Variants in GALNT13 observed in about 807,000 individuals in gnomAD.
The protein encoded by GALNT13 is polypeptide N-acetylgalactosaminyltransferase 13, also known as UDP-GalNAc:polypeptide N-acetylgalactosaminyltransferase 13.
GALNT13 carries 28 observed loss-of-function variants against 64.2 expected under a neutral mutation model. The ratio of observed to expected loss-of-function variants is 0.44; its 90% CI spans 0.32 to 0.60. The LOEUF (loss-of-function observed/expected upper bound fraction) is 0.60, where lower values mean the gene tolerates loss of function less well. Ranked by LOEUF, GALNT13 falls within the 20% of genes least tolerant of loss-of-function variation. The pLI is 0.05. For missense variants in GALNT13, 577 were observed against 669.8 expected, an observed-to-expected ratio of 0.86 and a Z score of 1.53; for synonymous variants, 214 against 224.6, an observed-to-expected ratio of 0.95 and a Z score of 0.42.
At chr2:153,750,400 G>A in the GALNT13 span, among the ~76,000 whole-genome samples, 5 of 151,784 alleles carry the variant, frequency 3.3e-5, no homozygotes, top group Non-Finnish European at 1.5e-5. Context: ...AGTAGGATTT[G>A]TATTAGTTTT....
rs143671927 is a variant in GALNT13 at position 153,916,112 on chromosome 2, C to T, written c.-105+15105C>T. ...CCTTCCTTCCTTCTGTCCTTCCTTC[C>T]TCCCTTCCTTCCTTCGTTCCTTCCT... is the stretch of plus-strand genomic sequence containing the variant. On this transcript the variant is annotated intron_variant, in intron 2 of 12. Coordinates refer to ENST00000392825, the MANE Select transcript of GALNT13 (RefSeq NM_052917.4). 2.7e-3 allele frequency among the ~76,000 whole-genome samples: 394 copies of T among 148,392 alleles called. 5 individuals carry two copies. Among genetic ancestry groups the T allele is most frequent in the African/African-American group, 9.4e-3 (378 of 40,400 alleles).
chr2:153,361,469 C>T, the GALNT13 span, among the ~76,000 whole-genome samples: 1 of 151,946 alleles, frequency 6.6e-6, no homozygotes, highest in Admixed American at 6.6e-5. Flanking sequence ...AAGGTAAGAA[C>T]CTTGATAAAA....
chr2:153,387,160 C>G, the GALNT13 span, among the ~76,000 whole-genome samples: 1 of 152,008 alleles, frequency 6.6e-6, no homozygotes, highest in Non-Finnish European at 1.5e-5. Flanking sequence ...GAAAGGCAAC[C>G]ATATTTTTTT....
At chr2:153,611,890 T>A in the GALNT13 span, among the ~76,000 whole-genome samples, 2 of 151,326 alleles carry the variant, frequency 1.3e-5, no homozygotes, top group South Asian at 4.2e-4. Flanking sequence ...TGATGTGTGA[T>A]ATTCCCCTCC....
At chr2:153,838,711 G>C in the GALNT13 span, among the ~76,000 whole-genome samples, 1 of 151,774 alleles carries the variant, frequency 6.6e-6, no homozygotes, top group Non-Finnish European at 1.5e-5. Flanking sequence ...ATCCAGTTTT[G>C]TTCTTCTTGT....
intron 3 of GALNT13, among the ~76,000 whole-genome samples, chr2:154,087,656 G>GA: frequency 6.6e-6 from 1 of 152,074 alleles, no homozygotes; most frequent in African/African-American, 2.4e-5. Flanking sequence ...AAATAATTGA[G>GA]AAAAATAGTA....
intron 4 of GALNT13, among the ~76,000 whole-genome samples, chr2:154,182,276 T>C (rs1005200418): frequency 6.6e-6 from 1 of 152,154 alleles, no homozygotes; most frequent in African/African-American, 2.4e-5. Flanking sequence ...AACAAGACAA[T>C]GTTTCATTTC....
the GALNT13 span, among the ~76,000 whole-genome samples, chr2:153,230,286 GT>G: frequency 6.6e-6 from 1 of 152,152 alleles, no homozygotes; most frequent in African/African-American, 2.4e-5. Flanking sequence ...AAAGAATATT[GT>G]ATATGACTCT....
chr2:154,352,247 A>T (rs1696454632), intron 9 of GALNT13, among the ~76,000 whole-genome samples: 1 of 152,200 alleles, frequency 6.6e-6, no homozygotes, highest in Non-Finnish European at 1.5e-5. Flanking sequence ...CACTAATAAT[A>T]AAGCTGAACC....
chr2:154,035,312 T>C (rs1171205210), intron 3 of GALNT13, among the ~76,000 whole-genome samples: 1 of 152,116 alleles, frequency 6.6e-6, no homozygotes, highest in Non-Finnish European at 1.5e-5. Context: ...GCGAATAACC[T>C]GTAGCTTAAT....
the GALNT13 span, among the ~76,000 whole-genome samples, chr2:153,720,226 T>A: frequency 6.9e-6 from 1 of 145,028 alleles, no homozygotes; most frequent in East Asian, 2.0e-4. Context: ...GGCAGGGTAT[T>A]CCAACAGACC....
At chr2:153,219,599 C>T in the GALNT13 span, among the ~76,000 whole-genome samples, 46 of 152,296 alleles carry the variant, frequency 3.0e-4, no homozygotes, top group African/African-American at 1.1e-3. Context: ...TGATATTTGG[C>T]ATCTGAAGAC....
intron 12 of GALNT13, among the ~76,000 whole-genome samples, chr2:154,447,890 G>T (rs1701674874): frequency 6.6e-6 from 1 of 151,992 alleles, no homozygotes; most frequent in African/African-American, 2.4e-5. Context: ...TGCCAAAAAA[G>T]GAAGCTTAGG....
the GALNT13 span, among the ~76,000 whole-genome samples, chr2:153,721,521 A>G: frequency 0.14 from 20,265 of 145,354 alleles, 2,565 homozygotes; most frequent in African/African-American, 0.34. Context: ...CTGGCAAGTT[A>G]GATAAAGAGT....
At chr2:153,458,457 T>C in the GALNT13 span, among the ~76,000 whole-genome samples, 3 of 152,116 alleles carry the variant, frequency 2.0e-5, no homozygotes, top group African/African-American at 7.2e-5. Flanking sequence ...TCCCTCCTAC[T>C]TCTCTTTCAT....
chr2:154,299,126 T>C lies in GALNT13; in HGVS notation c.976-2283T>C, dbSNP rs575735639. ...CAGATAGGATATAGATATTAAACAA[T>C]TGATTTTTTGTGTGTTTTATAAATT... On this transcript the variant is annotated intron_variant, in intron 8 of 12. Coordinates refer to ENST00000392825, the MANE Select transcript of GALNT13 (RefSeq NM_052917.4). Among the ~76,000 whole-genome samples the C allele has an allele frequency of 4.0e-5, 6 of 149,854 alleles. No homozygotes were observed. In the East Asian group the frequency reaches 1.2e-3, roughly 29 times the overall value.
intron 4 of GALNT13, among the ~76,000 whole-genome samples, chr2:154,163,422 G>A (rs930434898): frequency 2.9e-4 from 44 of 151,794 alleles, no homozygotes; most frequent in Non-Finnish European, 1.0e-4. Context: ...TATCACCACC[G>A]ATCCCACAGA....
chr2:153,277,549 A>C, the GALNT13 span, among the ~76,000 whole-genome samples: 1 of 152,310 alleles, frequency 6.6e-6, no homozygotes, highest in South Asian at 2.1e-4. Context: ...TAATTTATTT[A>C]CTTTTGTAAT....
chr2:153,244,847 T>C, the GALNT13 span, among the ~76,000 whole-genome samples: 3 of 152,136 alleles, frequency 2.0e-5, no homozygotes, highest in African/African-American at 7.2e-5. Context: ...TGGGTCCTGC[T>C]CCCATGGAGC....
Sources: allele counts gnomAD v4.1 joint callset (sites outside exome capture counted in the v4.1 genomes callset), GRCh38; gene constraint gnomAD v4.1.1; transcripts MANE v1.5; gene names NCBI Gene and HGNC (gene_info 2026-07-23, HGNC 2026-07-21).